The following CIT variants were observed in gnomAD, a reference collection of about 807,000 sequenced individuals.
CIT encodes citron rho-interacting serine/threonine kinase.
A neutral mutation model predicts 272.7 loss-of-function variants in CIT; 79 were observed. The ratio of observed to expected loss-of-function variants is 0.29; its 90% CI spans 0.24 to 0.35. The LOEUF is 0.35. Ranked by LOEUF, CIT falls within the 10% of genes least tolerant of loss-of-function variation. The probability of loss-of-function intolerance (pLI) is 1.00; values close to 1 mark genes in which losing one functional copy is unlikely to be tolerated. For missense variants in CIT, 1,909 were observed against 2,618.3 expected, an observed-to-expected ratio of 0.73 and a Z score of 5.91; for synonymous variants, 948 against 995.6, an observed-to-expected ratio of 0.95 and a Z score of 0.90.
At chr12:119,812,573 G>T (rs1168003265) in intron 9 of CIT, among the ~76,000 whole-genome samples, 1 of 151,830 alleles carries the variant, frequency 6.6e-6, no homozygotes, top group African/African-American at 2.4e-5. Context: ...CCAAGTAGCT[G>T]GGATTACAGG....
intron 46 of CIT, among the ~76,000 whole-genome samples, chr12:119,693,809 G>A (rs904637664): frequency 4.6e-5 from 7 of 152,160 alleles, no homozygotes; most frequent in African/African-American, 1.7e-4. Context: ...TATTCATTAG[G>A]ACAGTCTTGC....
At position 119,759,629 on chromosome 12, in the gene CIT, G is replaced by C. The variant is rs145186024; in HGVS notation, c.2422-929C>G. 1.7e-3 allele frequency among the ~76,000 whole-genome samples: 253 copies of C among 152,176 alleles called. 1 individual carries two copies. Among genetic ancestry groups the C allele is most frequent in the African/African-American group, 5.6e-3 (233 of 41,526 alleles). On this transcript the variant is annotated intron_variant, in intron 20 of 47. Transcript: ENST00000392521. ...CCACTGCACTCCAGCCTGTGTGACA[G>C]AGCAAGACTCCGTCTCAAAAACAAA...
chr12:119,734,103 C>T lies in CIT; in HGVS notation c.3350+61G>A, dbSNP rs547532120. On this transcript the variant is annotated intron_variant, in intron 26 of 47. Transcript: ENST00000392521. ...GAATAGCTGATCACCCTGTCCACAA[C>T]TCTCAGGCCGATCCTCCTGCGGTCA... is the stretch of plus-strand genomic sequence containing the variant. 16 of 1,549,654 alleles carry T rather than the reference C, an allele frequency of 1.0e-5. No homozygotes were observed. The East Asian group carries it at 2.9e-4, about 28-fold the overall frequency.
intron 10 of CIT, among the ~76,000 whole-genome samples, chr12:119,789,372 C>A (rs1179864985): frequency 6.6e-6 from 1 of 152,104 alleles, no homozygotes; most frequent in African/African-American, 2.4e-5. Flanking sequence ...GAGTAAGAAC[C>A]CAATTTTGAA....
chr12:119,819,200 T>G (rs1317457042), intron 9 of CIT, among the ~76,000 whole-genome samples: 1 of 152,186 alleles, frequency 6.6e-6, no homozygotes, highest in Admixed American at 6.5e-5. Context: ...TGTGGGAGGC[T>G]GGAAATGAAA....
intron 13 of CIT, chr12:119,782,293 T>C: frequency 2.4e-6 from 1 of 410,922 alleles, no homozygotes; most frequent in Non-Finnish European, 4.4e-6. Flanking sequence ...GCAGACATTA[T>C]GGGGTATCAG....
At chr12:119,762,611 T>C (rs1961942869) in intron 19 of CIT, among the ~76,000 whole-genome samples, 1 of 152,240 alleles carries the variant, frequency 6.6e-6, no homozygotes, top group Non-Finnish European at 1.5e-5. Flanking sequence ...ATGCCCTTTA[T>C]ATTTTATGAG....
rs189523680 is a variant in CIT, at chr12:119,792,939, C to T, written c.1296-7874G>A. Among the ~76,000 whole-genome samples the T allele has an allele frequency of 5.0e-3, 763 of 151,814 alleles. 7 individuals carry two copies. Among genetic ancestry groups the T allele is most frequent in the African/African-American group, 0.018 (737 of 41,392 alleles). Reference sequence around the variant, plus strand: ...ATAGCGCCACTGCACTCCAGCCTGGCGACAGAGTGAGACTCCGTCTCAAAA... The same window carrying T: ...ATAGCGCCACTGCACTCCAGCCTGGTGACAGAGTGAGACTCCGTCTCAAAA... On this transcript the variant is annotated intron_variant, in intron 10 of 47. Coordinates refer to ENST00000392521, the MANE Select transcript of CIT (RefSeq NM_001206999.2).
chr12:119,754,048 C>A (rs1428715890), intron 22 of CIT, among the ~76,000 whole-genome samples: 1 of 152,196 alleles, frequency 6.6e-6, no homozygotes, highest in Non-Finnish European at 1.5e-5. Context: ...TATTATCTCT[C>A]TCTAGTGATG....
At chr12:119,717,414 CTTTTCTTT>C (rs199689778) in intron 32 of CIT, among the ~76,000 whole-genome samples, 36,069 of 105,776 alleles carry the variant, frequency 0.34, 4,190 homozygotes, top group Admixed American at 0.44. Context: ...TTTTTCTTTT[CTTTTCTTT>C]TTTTTTTTTT....
Position 119,735,150 on chromosome 12 carries a change from C to A in CIT, c.3156+10G>T. The A allele has an allele frequency of 1.2e-6, 2 of 1,613,046 alleles. No individual in the cohort carries two copies. The highest frequency in any genetic ancestry group is 8.5e-7 in the Non-Finnish European group (1 of 1,179,708). On this transcript the variant is annotated intron_variant, in intron 25 of 47. Transcript: ENST00000392521. Reference sequence around the variant, plus strand: ...TCCAGGGATCTCACGACCTTGTTAACCCTCCTTACTTGCTTCTGGCTGGTA... The same window carrying A: ...TCCAGGGATCTCACGACCTTGTTAAACCTCCTTACTTGCTTCTGGCTGGTA...
rs769593950 is a variant in CIT, at chr12:119,701,687, G to A, written c.5479C>T (p.Pro1827Ser). ...CTGTTCACCTGCACGATTGAGACAG[G>A]GAAGCTGTTGGAAGAGGCGGCAAAC... ...AVFAASSNSF[P>S]VSIVQVNSAG... Residue 1827 changes from proline to serine, a missense_variant, in exon 43 of 48, where the codon CCT (proline) becomes TCT (serine). Physicochemically the swap from Pro to Ser is moderately conservative, Grantham distance 74. Transcript: ENST00000392521. 2 of 1,614,208 alleles carry A rather than the reference G, an allele frequency of 1.2e-6. No homozygotes were observed.
Position 119,740,366 on chromosome 12 carries a change from C to A in CIT, c.2958+2045G>T, listed in dbSNP as rs1473465079. On this transcript the variant is annotated intron_variant, in intron 24 of 47. Coordinates refer to ENST00000392521, the MANE Select transcript of CIT (RefSeq NM_001206999.2). ...GGGGTATAAGGAAACTTTTGAGGGT[C>A]ATGAATACAATAAATATTTTGTTTT... Among the ~76,000 whole-genome samples the A allele has an allele frequency of 1.3e-5, 2 of 152,070 alleles. 1 individual carries two copies. The highest frequency in any genetic ancestry group is 4.8e-5 in the African/African-American group (2 of 41,396).
rs758788876 is a variant in CIT at position 119,784,034 on chromosome 12, G to C, written c.1419C>G (p.Thr473=). The C allele has an allele frequency of 6.2e-7, 1 of 1,612,224 alleles. No homozygotes were observed. The highest frequency in any genetic ancestry group is 8.5e-7 in the Non-Finnish European group (1 of 1,179,128). Residue 473 remains threonine, a synonymous_variant, in exon 12 of 48, where the codon ACC becomes ACG. Coordinates refer to ENST00000392521, the MANE Select transcript of CIT (RefSeq NM_001206999.2). This position sits in a 1 kb window ranked among gnomAD's most constrained non-coding sequence, Gnocchi z 4.7. ...CCTCTGACACTCTCCGATGTAACCG[G>C]GTCATTTCCTGCTCCATCTGAAATA... ...DKCHKMEQEM[T]RLHRRVSEVE... is the part of the protein sequence containing the mutation.
chr12:119,755,567 C>T (rs901407890), intron 22 of CIT, among the ~76,000 whole-genome samples: 1 of 152,222 alleles, frequency 6.6e-6, no homozygotes, highest in African/African-American at 2.4e-5. Flanking sequence ...TGTTCAGCTT[C>T]CAACAACCAC....
At chr12:119,691,611 A>G (rs1484187477) in intron 46 of CIT, among the ~76,000 whole-genome samples, 1 of 152,214 alleles carries the variant, frequency 6.6e-6, no homozygotes, top group Admixed American at 6.5e-5. Flanking sequence ...TCAAAGGTTG[A>G]TAATTAGTAA....
chr12:119,688,867 T>C (rs1165142135), intron 47 of CIT, among the ~76,000 whole-genome samples: 1 of 152,194 alleles, frequency 6.6e-6, no homozygotes, highest in Non-Finnish European at 1.5e-5. Context: ...AATTTATATA[T>C]ACACATGTGT....
chr12:119,794,495 T>C (rs1218571286), intron 10 of CIT, among the ~76,000 whole-genome samples: 2 of 152,126 alleles, frequency 1.3e-5, no homozygotes, highest in Non-Finnish European at 2.9e-5. Context: ...GACTTACCCA[T>C]CCAGGGGATA....
chr12:119,767,017 G>T, intron 19 of CIT, 70 bp downstream of exon 19: 1 of 1,134,462 alleles, frequency 8.8e-7, no homozygotes, highest in Non-Finnish European at 1.2e-6. Flanking sequence ...GGCCACAAGG[G>T]CCCAGGAAGA....
Sources: allele counts gnomAD v4.1 joint callset (sites outside exome capture counted in the v4.1 genomes callset), GRCh38; gene constraint gnomAD v4.1.1; non-coding constraint Gnocchi (gnomAD v3.1); transcripts MANE v1.5; gene names NCBI Gene and HGNC (gene_info 2026-07-23, HGNC 2026-07-21).